Variants in TNRC6B observed in about 807,000 individuals in gnomAD.
The protein encoded by TNRC6B is trinucleotide repeat-containing gene 6B protein.
Under a neutral mutation model 203.6 loss-of-function variants are expected in TNRC6B, and 52 were observed. The observed-to-expected ratio is 0.26, with a 90% CI of 0.20 to 0.32. The LOEUF (loss-of-function observed/expected upper bound fraction) is 0.32. Ranked by LOEUF, TNRC6B falls within the 10% of genes least tolerant of loss-of-function variation. The pLI, the probability that TNRC6B is intolerant of heterozygous loss-of-function variation, is 1.00. For missense variants in TNRC6B, 1,923 were observed against 2,286.2 expected, an observed-to-expected ratio of 0.84 and a Z score of 3.24; for synonymous variants, 838 against 845.7, an observed-to-expected ratio of 0.99 and a Z score of 0.16.
chr22:40,201,200 A>T (rs2069407635), intron 1 of TNRC6B, among the ~76,000 whole-genome samples: 1 of 152,050 alleles, frequency 6.6e-6, no homozygotes, highest in African/African-American at 2.4e-5. Flanking sequence ...TAGAATCTTT[A>T]AAAAAAATTT....
At chr22:40,276,332 GAAA>G (rs368624697) in intron 7 of TNRC6B, among the ~76,000 whole-genome samples, 2 of 118,170 alleles carry the variant, frequency 1.7e-5, no homozygotes, top group Admixed American at 8.8e-5. Flanking sequence ...GGGTGACAGA[GAAA>G]AAAAAAAAAA....
intron 4 of TNRC6B, among the ~76,000 whole-genome samples, chr22:40,161,130 T>G (rs1245249022): frequency 6.6e-6 from 1 of 152,238 alleles, no homozygotes; most frequent in Non-Finnish European, 1.5e-5. Context: ...TAAATTTTTA[T>G]ATAGCAAAAT....
intron 1 of TNRC6B, among the ~76,000 whole-genome samples, chr22:40,091,070 C>T (rs927439968): frequency 6.6e-6 from 1 of 152,186 alleles, no homozygotes; most frequent in African/African-American, 2.4e-5. Flanking sequence ...CAAGCTTCGC[C>T]TCCCGGGTTC....
At chr22:40,062,666 A>C (rs1164474095) in intron 1 of TNRC6B, among the ~76,000 whole-genome samples, 1 of 152,080 alleles carries the variant, frequency 6.6e-6, no homozygotes, top group Non-Finnish European at 1.5e-5. Flanking sequence ...CAGCTATCCT[A>C]CTGGGTAGGA....
intron 1 of TNRC6B, among the ~76,000 whole-genome samples, chr22:40,199,648 G>A (rs561283583): frequency 2.2e-4 from 33 of 152,210 alleles, no homozygotes; most frequent in Non-Finnish European, 4.4e-5. Flanking sequence ...TTCTGACCTC[G>A]ATCTTTTTAC....
chr22:40,194,754 C>G (rs1321479051), intron 1 of TNRC6B, among the ~76,000 whole-genome samples: 1 of 152,174 alleles, frequency 6.6e-6, no homozygotes, highest in Non-Finnish European at 1.5e-5. Flanking sequence ...TACTTGTCCT[C>G]CCCCCACCAA....
At chr22:40,257,391 A>G (rs916820846) in intron 3 of TNRC6B, among the ~76,000 whole-genome samples, 5 of 152,198 alleles carry the variant, frequency 3.3e-5, no homozygotes, top group Non-Finnish European at 7.3e-5. Context: ...GAGGAGATTC[A>G]ATTATTAGAG....
chr22:40,187,162 T>C (rs1257130192), intron 1 of TNRC6B, among the ~76,000 whole-genome samples: 1 of 152,214 alleles, frequency 6.6e-6, no homozygotes, highest in Non-Finnish European at 1.5e-5. Flanking sequence ...GGCTACTCTG[T>C]TGGACAGCAC....
At chr22:40,150,149 G>A (rs5995826) in intron 3 of TNRC6B, among the ~76,000 whole-genome samples, 99,626 of 151,930 alleles carry the variant, frequency 0.66, 33,901 homozygotes, top group African/African-American at 0.84. Context: ...AGGCCAAGGC[G>A]GGCAGATCAC....
intron 1 of TNRC6B, among the ~76,000 whole-genome samples, chr22:40,224,166 G>A (rs1601898297): frequency 6.6e-6 from 1 of 151,956 alleles, no homozygotes; most frequent in Admixed American, 6.6e-5. Flanking sequence ...CACCATGCCC[G>A]GCTAATTTTT....
intron 5 of TNRC6B, 31 bp downstream of exon 5, chr22:40,267,067 A>T: frequency 6.7e-7 from 1 of 1,502,316 alleles, no homozygotes; most frequent in African/African-American, 1.4e-5. Flanking sequence ...GCAGCTTTTG[A>T]TGAAGAAAAG....
At position 40,161,202 on chromosome 22, in the gene TNRC6B, T is replaced by G. The variant is rs2068868926; in HGVS notation, c.113+5020T>G. Among the ~76,000 whole-genome samples, 3 of 152,368 alleles carry G rather than the reference T, an allele frequency of 2.0e-5. No homozygotes were observed. In the South Asian group the frequency reaches 6.2e-4, roughly 32 times the overall value. ...AGAAGTCTTTCCTATCCTAACCTGA[T>G]AAAATATCTTTAGGTTTTCTATTTT... is the stretch of plus-strand genomic sequence containing the variant. On this transcript the variant is annotated intron_variant, in intron 4 of 23. Transcript: ENST00000301923.
chr22:40,236,869 G>C (rs1302033838), intron 1 of TNRC6B, among the ~76,000 whole-genome samples: 1 of 152,144 alleles, frequency 6.6e-6, no homozygotes, highest in Non-Finnish European at 1.5e-5. Context: ...TTTGTGGAAA[G>C]AAGTTTATCT....
intron 8 of TNRC6B, 27 bp from the exon 9 acceptor site, chr22:40,277,972 C>T: frequency 6.6e-7 from 1 of 1,524,104 alleles, no homozygotes; most frequent in Non-Finnish European, 8.9e-7. Context: ...ATCCTTAATT[C>T]TCTCTCATCT....
upstream of TNRC6B, among the ~76,000 whole-genome samples, chr22:40,176,423 G>A (rs2069061078): frequency 6.6e-6 from 1 of 152,014 alleles, no homozygotes. Context: ...CACCGCACCC[G>A]GCCTCATGCG....
At chr22:40,089,781 A>C (rs1320155527) in intron 1 of TNRC6B, among the ~76,000 whole-genome samples, 3 of 152,184 alleles carry the variant, frequency 2.0e-5, no homozygotes, top group Non-Finnish European at 4.4e-5. Context: ...GTATGATGGC[A>C]TGTATCCATC....
intron 1 of TNRC6B, among the ~76,000 whole-genome samples, chr22:40,239,305 G>A (rs1052074406): frequency 1.3e-5 from 2 of 152,196 alleles, no homozygotes; most frequent in African/African-American, 4.8e-5. Flanking sequence ...AAGTCAGTCT[G>A]TGCCTTCCGG....
At chr22:40,289,999 A>G (rs1282868806) in intron 12 of TNRC6B, among the ~76,000 whole-genome samples, 1 of 152,182 alleles carries the variant, frequency 6.6e-6, no homozygotes, top group Non-Finnish European at 1.5e-5. Flanking sequence ...CCAAAAGCGG[A>G]TCCTTTTTTA....
intron 6 of TNRC6B, among the ~76,000 whole-genome samples, chr22:40,272,132 T>C (rs180875480): frequency 6.6e-6 from 1 of 152,316 alleles, no homozygotes; most frequent in Admixed American, 6.5e-5. Flanking sequence ...ATCATAAATA[T>C]GGTATTATAT....
Sources: allele counts gnomAD v4.1 joint callset (sites outside exome capture counted in the v4.1 genomes callset), GRCh38; gene constraint gnomAD v4.1.1; transcripts MANE v1.5; gene names NCBI Gene and HGNC (gene_info 2026-07-23, HGNC 2026-07-21).